TOPAZ1: variants seen among roughly 807,000 people sequenced by gnomAD.
TOPAZ1 encodes protein TOPAZ1.
In TOPAZ1, 66 loss-of-function variants were observed where a neutral mutation model predicts 172.2. That is an observed-to-expected ratio of 0.38 (90% confidence interval 0.31 to 0.47). The LOEUF is 0.47. Among genes scored for constraint, TOPAZ1 ranks in the 20% least tolerant of loss-of-function variants. TOPAZ1 has a pLI of 0.99. For synonymous variants in TOPAZ1, 681 were observed against 683.9 expected (o/e 1.00, Z 0.07); for missense variants, 1,822 against 1,972.4 (o/e 0.92, Z 1.44).
At chr3:44,288,169 A>G (rs1242593955) in intron 11 of TOPAZ1, among the ~76,000 whole-genome samples, 1 of 152,168 alleles carries the variant, frequency 6.6e-6, no homozygotes, top group Non-Finnish European at 1.5e-5. Context: ...ACAAACCAAA[A>G]AAGACTTACA....
intron 5 of TOPAZ1, among the ~76,000 whole-genome samples, chr3:44,263,463 CT>C (rs950049704): frequency 1.3e-5 from 2 of 152,166 alleles, no homozygotes; most frequent in African/African-American, 4.8e-5. Flanking sequence ...TAGATCATCT[CT>C]TCCATCTATA....
In TOPAZ1 at chr3:44,243,791, G is replaced by A; in HGVS notation, c.1285G>A (p.Glu429Lys). ...TIEPLLKEET[E>K]NASEPLGYES... ...TGAACCACTTTTGAAAGAAGAAACAGAGAATGCTTCAGAGCCGTTAGGTTA... is the reference window on the plus strand; with the variant it reads ...TGAACCACTTTTGAAAGAAGAAACAAAGAATGCTTCAGAGCCGTTAGGTTA... Residue 429 changes from glutamate (E) to lysine (K), a missense_variant, in exon 2 of 20, where the codon GAG (glutamate) becomes AAG (lysine). Glu to Lys is a moderately conservative substitution (Grantham distance 56, BLOSUM62 1). Around this residue, in one of 2 missense-constraint regions of TOPAZ1, gnomAD observed 1,489 missense variants for 1,490.8 expected, o/e 1.00. Transcript: ENST00000309765. 6.4e-7 allele frequency: 1 copy of A among 1,551,740 alleles called. No individual in the cohort carries two copies. Among genetic ancestry groups the A allele is most frequent in the South Asian group, 1.2e-5 (1 of 84,038 alleles).
intron 16 of TOPAZ1, 114 bp downstream of exon 16, chr3:44,310,104 C>T: frequency 1.1e-6 from 1 of 926,874 alleles, no homozygotes; most frequent in Non-Finnish European, 1.6e-6. Context: ...GGTCTAAACC[C>T]TAGTGAACAT....
intron 5 of TOPAZ1, 68 bp from the exon 6 acceptor site, chr3:44,266,929 C>A: frequency 8.4e-7 from 1 of 1,193,524 alleles, no homozygotes; most frequent in Non-Finnish European, 1.1e-6. Context: ...TATCTGATAT[C>A]TGCAAAGCAT....
intron 17 of TOPAZ1, 70 bp downstream of exon 17, chr3:44,321,261 T>G (rs1023482664): frequency 1.8e-6 from 2 of 1,100,696 alleles, no homozygotes; most frequent in African/African-American, 3.3e-5. Context: ...TAAGAAATAG[T>G]TATCCACCTG....
intron 16 of TOPAZ1, among the ~76,000 whole-genome samples, chr3:44,315,651 C>T (rs111516076): frequency 0.13 from 20,289 of 151,006 alleles, 1,756 homozygotes; most frequent in African/African-American, 0.23. Flanking sequence ...GGATTACAGG[C>T]GTGAGCCACC....
Position 44,291,858 on chromosome 3 carries a change from G to A in TOPAZ1, c.3797+972G>A, listed in dbSNP as rs557150871. Among the ~76,000 whole-genome samples, 8 of 152,112 alleles carry A rather than the reference G, an allele frequency of 5.3e-5. No individual in the cohort carries two copies. In the East Asian group the frequency reaches 7.7e-4, roughly 15 times the overall value. ...AAATCTCCAATATGGAGCTTCCATC[G>A]CTATTTTTATCTCATTTCTCATTAT... On this transcript the variant is annotated intron_variant, in intron 12 of 19. Coordinates refer to ENST00000309765, the MANE Select transcript of TOPAZ1 (RefSeq NM_001145030.2).
intron 6 of TOPAZ1, among the ~76,000 whole-genome samples, chr3:44,268,515 A>G (rs1256487547): frequency 6.6e-6 from 1 of 151,646 alleles, no homozygotes; most frequent in Non-Finnish European, 1.5e-5. Flanking sequence ...CTGGGATTAC[A>G]GGCACGCACC....
At chr3:44,262,936 G>A (rs1699790981) in intron 5 of TOPAZ1, among the ~76,000 whole-genome samples, 1 of 152,138 alleles carries the variant, frequency 6.6e-6, no homozygotes. Flanking sequence ...CCCTCATTTT[G>A]CATGTGAGGC....
Position 44,262,493 on chromosome 3 carries a change from A to G in TOPAZ1, c.3020+10A>G, listed in dbSNP as rs934339676. ...ATGAAGTTTGCAAAAGGTCTGTAAC[A>G]TAATTCTTAATTACATAACTTAAAA... On this transcript the variant is annotated intron_variant, in intron 5 of 19. Transcript: ENST00000309765. 13 of 1,299,828 alleles carry G rather than the reference A, an allele frequency of 1.0e-5. No individual in the cohort carries two copies. In the African/African-American group the frequency reaches 1.6e-4, roughly 16 times the overall value. 80.5% of individuals were successfully genotyped at this position (1,299,828 alleles called of 1,614,324 possible). A position where few individuals can be genotyped will look rare whatever the true frequency, so the allele number is the denominator to read the frequency against.
chr3:44,298,929 T>TTTTTTTTTTG (rs1559541961), intron 12 of TOPAZ1, among the ~76,000 whole-genome samples: 8 of 52,510 alleles, frequency 1.5e-4, no homozygotes, highest in African/African-American at 4.5e-4. Context: ...TTTTTTTTTT[T>TTTTTTTTTTG]TTTTTCCCCC....
At chr3:44,287,607 T>G in intron 10 of TOPAZ1, 67 bp downstream of exon 10, 1 of 1,212,096 alleles carries the variant, frequency 8.3e-7, no homozygotes, top group Non-Finnish European at 1.1e-6. Context: ...ATTCATTGTT[T>G]GAACTTAGCA....
At chr3:44,320,243 C>A (rs558644152) in intron 16 of TOPAZ1, among the ~76,000 whole-genome samples, 13 of 151,922 alleles carry the variant, frequency 8.6e-5, no homozygotes, top group East Asian at 5.8e-4. Flanking sequence ...ATATATTATT[C>A]TTCTGTATAC....
At chr3:44,285,472 T>C (rs952393567) in intron 9 of TOPAZ1, among the ~76,000 whole-genome samples, 6 of 151,788 alleles carry the variant, frequency 4.0e-5, no homozygotes, top group Admixed American at 1.3e-4. Context: ...GTCTCAAAAA[T>C]AAATAAATAA....
intron 12 of TOPAZ1, among the ~76,000 whole-genome samples, chr3:44,301,328 T>G (rs945600858): frequency 6.6e-6 from 1 of 152,096 alleles, no homozygotes; most frequent in African/African-American, 2.4e-5. Context: ...GGGTGAAGAG[T>G]GCACAGTGTA....
At chr3:44,322,394 C>G (rs759433139) in intron 17 of TOPAZ1, among the ~76,000 whole-genome samples, 5 of 152,116 alleles carry the variant, frequency 3.3e-5, no homozygotes, top group Non-Finnish European at 7.4e-5. Flanking sequence ...ATAATACAAA[C>G]AGAATTGAGA....
intron 15 of TOPAZ1, among the ~76,000 whole-genome samples, chr3:44,307,241 C>T (rs528266611): frequency 1.1e-4 from 17 of 151,990 alleles, no homozygotes; most frequent in Non-Finnish European, 2.2e-4. Flanking sequence ...AGGCTGGTCT[C>T]GAACTCCCAG....
intron 8 of TOPAZ1, among the ~76,000 whole-genome samples, chr3:44,276,455 C>A (rs759486113): frequency 2.0e-5 from 3 of 151,992 alleles, no homozygotes; most frequent in Admixed American, 2.0e-4. Context: ...ATGTTCTTGG[C>A]GCCTTTGTCA....
intron 4 of TOPAZ1, 70 bp downstream of exon 4, chr3:44,256,348 A>G (rs1044356608): frequency 7.0e-6 from 10 of 1,420,754 alleles, no homozygotes; most frequent in Middle Eastern, 3.5e-4. Flanking sequence ...ATCCATCTTA[A>G]CAGTGCTATC....
Sources: allele counts gnomAD v4.1 joint callset (sites outside exome capture counted in the v4.1 genomes callset), GRCh38; gene constraint gnomAD v4.1.1; regional missense constraint gnomAD v4.1.1; transcripts MANE v1.5; gene names NCBI Gene and HGNC (gene_info 2026-07-23, HGNC 2026-07-21).